The following HPSE2 variants were observed in gnomAD, a reference collection of about 807,000 sequenced individuals.
The protein encoded by HPSE2 is inactive heparanase-2.
In HPSE2, 38 loss-of-function variants were observed where a neutral mutation model predicts 60.5. The ratio of observed to expected loss-of-function variants is 0.63; its 90% CI spans 0.48 to 0.82. HPSE2 has a LOEUF of 0.82. HPSE2 is among the 40% of genes least tolerant of loss of function. HPSE2 has a pLI of 0.00. For synonymous variants in HPSE2, 295 were observed against 293.2 expected, an observed-to-expected ratio of 1.01 and a Z score of -0.06; for missense variants, 713 against 740.4, an observed-to-expected ratio of 0.96 and a Z score of 0.43.
intron 3 of HPSE2, among the ~76,000 whole-genome samples, chr10:99,106,524 C>T (rs1262159919): frequency 2.0e-5 from 3 of 151,706 alleles, no homozygotes; most frequent in African/African-American, 7.3e-5. Flanking sequence ...TGAAATAAAT[C>T]CAACTGGGTC....
chr10:99,116,282 A>G (rs976427513), intron 3 of HPSE2, among the ~76,000 whole-genome samples: 9 of 152,258 alleles, frequency 5.9e-5, no homozygotes, highest in African/African-American at 1.7e-4. Context: ...ATGTGGAATT[A>G]AAGTTGTCCA....
At chr10:99,288,435 T>C in the HPSE2 span, among the ~76,000 whole-genome samples, 46 of 152,094 alleles carry the variant, frequency 3.0e-4, no homozygotes, top group Non-Finnish European at 2.9e-4. Flanking sequence ...AGAATTTAAT[T>C]ATCCCAGAAT....
the HPSE2 span, among the ~76,000 whole-genome samples, chr10:99,246,199 T>A: frequency 3.3e-4 from 50 of 152,222 alleles, no homozygotes; most frequent in African/African-American, 1.1e-3. Context: ...TCGTAAACAG[T>A]CTCTTACATT....
intron 9 of HPSE2, among the ~76,000 whole-genome samples, chr10:98,555,400 G>T (rs145928279): frequency 6.6e-6 from 1 of 152,250 alleles, no homozygotes; most frequent in East Asian, 1.9e-4. Flanking sequence ...GTGTCTGCCT[G>T]CCCGGATCTC....
chr10:99,140,188 CTGGAAG>C (rs1453141542), intron 3 of HPSE2, among the ~76,000 whole-genome samples: 1 of 152,162 alleles, frequency 6.6e-6, no homozygotes, highest in Admixed American at 6.5e-5. Flanking sequence ...TGGGCCACAA[CTGGAAG>C]TGGAAGTCTC....
rs780558023 is a variant in HPSE2 at position 98,808,022 on chromosome 10, C to G, written c.611-63966G>C. 2.6e-4 allele frequency among the ~76,000 whole-genome samples: 40 copies of G among 152,294 alleles called. 2 individuals carry two copies. Among genetic ancestry groups the G allele is most frequent in the Middle Eastern group, 6.8e-3 (2 of 294 alleles). On this transcript the variant is annotated intron_variant, in intron 3 of 11. Transcript: ENST00000370552. ...TTCTTCTCAGCTTCACTTTATCCTT[C>G]TGCATACTAAATGGGGACATATTCT...
chr10:98,991,776 G>T (rs1443051605), intron 3 of HPSE2, among the ~76,000 whole-genome samples: 1 of 152,154 alleles, frequency 6.6e-6, no homozygotes, highest in African/African-American at 2.4e-5. Context: ...AAAACAGTAA[G>T]ATTGGTGGGC....
intron 3 of HPSE2, among the ~76,000 whole-genome samples, chr10:98,977,362 T>C (rs1247126304): frequency 1.3e-5 from 2 of 152,184 alleles, no homozygotes; most frequent in Non-Finnish European, 2.9e-5. Context: ...TGTGTGACCT[T>C]ATGCATTTAA....
intron 9 of HPSE2, among the ~76,000 whole-genome samples, chr10:98,552,389 C>T (rs567120672): frequency 5.3e-4 from 81 of 152,044 alleles, no homozygotes; most frequent in Admixed American, 1.3e-3. Context: ...TAGAACTGTG[C>T]CTGGCACATA....
At chr10:98,721,450 AC>A (rs947400643) in intron 5 of HPSE2, among the ~76,000 whole-genome samples, 1 of 151,406 alleles carries the variant, frequency 6.6e-6, no homozygotes, top group African/African-American at 2.4e-5. Context: ...CCATCCCACC[AC>A]CCCCTGTTGA....
intron 4 of HPSE2, among the ~76,000 whole-genome samples, chr10:98,724,595 G>T (rs1240628401): frequency 2.0e-5 from 3 of 152,136 alleles, no homozygotes; most frequent in Non-Finnish European, 4.4e-5. Flanking sequence ...TATTGTGTGG[G>T]AGTCTAAGTC....
chr10:98,972,089 C>A (rs1291408652), intron 3 of HPSE2, among the ~76,000 whole-genome samples: 1 of 151,928 alleles, frequency 6.6e-6, no homozygotes, highest in African/African-American at 2.4e-5. Context: ...TTTACTTTTG[C>A]CAGTTTAATA....
chr10:99,310,137 A>G, the HPSE2 span, among the ~76,000 whole-genome samples: 1 of 152,164 alleles, frequency 6.6e-6, no homozygotes, highest in Non-Finnish European at 1.5e-5. Context: ...GCTCCTTCTT[A>G]TAAGAACGCT....
chr10:98,978,908 G>T (rs1956146209), intron 3 of HPSE2, among the ~76,000 whole-genome samples: 2 of 152,314 alleles, frequency 1.3e-5, no homozygotes, highest in South Asian at 4.1e-4. Context: ...GTAAAAAATT[G>T]GAGTCGCTGG....
chr10:99,019,826 G>A lies in HPSE2; in HGVS notation c.610+124412C>T, dbSNP rs192933185. ...CCAGATTCAAGCAATTCTCTCCCCC[G>A]TCAGCTTCCCTAGTAGCTGAGATTA... is the stretch of plus-strand genomic sequence containing the variant. On this transcript the variant is annotated intron_variant, in intron 3 of 11. Transcript: ENST00000370552. Among the ~76,000 whole-genome samples the A allele has an allele frequency of 5.7e-3, 867 of 150,988 alleles. 7 individuals are homozygous for A. Among genetic ancestry groups the A allele is most frequent in the Non-Finnish European group, 8.0e-3 (543 of 67,796 alleles).
chr10:99,230,424 A>G (rs1454774362), intron 2 of HPSE2, among the ~76,000 whole-genome samples: 1 of 152,206 alleles, frequency 6.6e-6, no homozygotes, highest in Non-Finnish European at 1.5e-5. Flanking sequence ...AGAGATATTT[A>G]ATGCCAGGTT....
intron 3 of HPSE2, among the ~76,000 whole-genome samples, chr10:98,976,265 G>A (rs895510525): frequency 6.6e-6 from 1 of 152,004 alleles, no homozygotes; most frequent in African/African-American, 2.4e-5. Flanking sequence ...TCCAACAAAG[G>A]CAAGTATAGC....
intron 6 of HPSE2, among the ~76,000 whole-genome samples, chr10:98,671,035 A>C (rs555550953): frequency 3.9e-5 from 6 of 152,306 alleles, no homozygotes; most frequent in African/African-American, 9.6e-5. Flanking sequence ...GTGTTAAAAA[A>C]ATTTTGGATT....
At chr10:98,626,115 AAAGAAAAAG>A (rs1946204614) in intron 7 of HPSE2, among the ~76,000 whole-genome samples, 3 of 92,266 alleles carry the variant, frequency 3.3e-5, no homozygotes, top group Non-Finnish European at 7.2e-5. Context: ...CAAAAAAAAA[AAAGAAAAAG>A]AAAAAAGAAA....
Sources: gnomAD v4.1 joint callset for allele counts (sites outside exome capture counted in the v4.1 genomes callset) on GRCh38, gnomAD v4.1.1 for gene constraint, MANE v1.5 for transcripts, NCBI Gene and HGNC (gene_info 2026-07-23, HGNC 2026-07-21) for gene names.